MAML3: variants seen among roughly 807,000 people sequenced by gnomAD.
MAML3 encodes the protein mastermind-like protein 3.
MAML3 carries 27 observed loss-of-function variants against 101.9 expected under a neutral mutation model. The observed-to-expected ratio is 0.27, with a 90% CI of 0.20 to 0.37. MAML3 has a LOEUF of 0.37. Among genes scored for constraint, MAML3 ranks in the 10% least tolerant of loss-of-function variants. The pLI, the probability that MAML3 is intolerant of heterozygous loss-of-function variation, is 1.00. For missense variants in MAML3, 1,316 were observed against 1,444.9 expected (o/e 0.91, Z 1.45); for synonymous variants, 501 against 555.9 (o/e 0.90, Z 1.39).
intron 2 of MAML3, among the ~76,000 whole-genome samples, chr4:139,852,414 T>G (rs1258449893): frequency 1.5e-5 from 2 of 134,176 alleles, no homozygotes; most frequent in African/African-American, 6.0e-5. Context: ...TTTTTTTTTT[T>G]TTTTTTTTTT....
At chr4:140,076,548 G>A (rs570228768) in intron 1 of MAML3, among the ~76,000 whole-genome samples, 2 of 152,204 alleles carry the variant, frequency 1.3e-5, no homozygotes, top group Non-Finnish European at 2.9e-5. Context: ...CAGGCCCCTG[G>A]AAGTCCTGCT....
intron 2 of MAML3, among the ~76,000 whole-genome samples, chr4:139,746,200 T>C (rs1729313977): frequency 6.6e-6 from 1 of 152,232 alleles, no homozygotes; most frequent in Non-Finnish European, 1.5e-5. Context: ...AGAAATGGTA[T>C]GTTATATTTT....
In MAML3 at chr4:139,993,368, T is replaced by A. The variant is rs373895749; in HGVS notation, c.469-102401A>T. Among the ~76,000 whole-genome samples the A allele has an allele frequency of 1.5e-3, 152 of 102,818 alleles. 4 individuals are homozygous for A. The highest frequency in any genetic ancestry group is 2.2e-3 in the Non-Finnish European group (95 of 43,722). The allele number at this position is 102,818 out of a possible 152,430, so 67.5% of individuals were successfully genotyped here. A position where few individuals can be genotyped will look rare whatever the true frequency, so the allele number is the denominator to read the frequency against. ...CTCCATCTCAAAAAAAAAAAAAAAATAGACATACATATATACACACATATA... is the reference window on the plus strand; with the variant it reads ...CTCCATCTCAAAAAAAAAAAAAAAAAAGACATACATATATACACACATATA... On this transcript the variant is annotated intron_variant, in intron 1 of 4. Coordinates refer to ENST00000509479, the MANE Select transcript of MAML3 (RefSeq NM_018717.5).
At chr4:139,748,618 A>C (rs891974619) in intron 2 of MAML3, among the ~76,000 whole-genome samples, 12 of 151,814 alleles carry the variant, frequency 7.9e-5, no homozygotes, top group South Asian at 2.1e-4. Flanking sequence ...AGTCCCCCAA[A>C]TCAGGATGAG....
intron 4 of MAML3, among the ~76,000 whole-genome samples, chr4:139,724,899 C>T (rs1728402554): frequency 6.6e-6 from 1 of 151,512 alleles, no homozygotes; most frequent in South Asian, 2.1e-4. Context: ...ACTGAGATTA[C>T]AGGTATGCAT....
In MAML3 at chr4:139,889,463, G is replaced by A. The variant is rs1176626706; in HGVS notation, c.1973C>T (p.Ala658Val). 1 of 1,613,964 alleles carries A rather than the reference G, an allele frequency of 6.2e-7. No homozygotes were observed. Among genetic ancestry groups the A allele is most frequent in the East Asian group, 2.2e-5 (1 of 44,886 alleles). Residue 658 changes from alanine to valine, a missense_variant, in exon 2 of 5, where the codon GCC becomes GTC. Ala to Val is a moderately conservative substitution (Grantham distance 64). Transcript: ENST00000509479. ...GTCTTCGCTCAGGTGTGCCCTGGGG[G>A]CCTGGAGCTGTGGAGGTGGCGGCTG... ...QQQPPPPQLQ[A>V]PRAHLSEDQK...
chr4:139,767,812 G>A (rs1189335888), intron 2 of MAML3, among the ~76,000 whole-genome samples: 1 of 152,230 alleles, frequency 6.6e-6, no homozygotes, highest in East Asian at 1.9e-4. Context: ...GGGTTAGAGA[G>A]AATCTCAAAG....
chr4:139,806,075 A>G (rs1730694737), intron 2 of MAML3, among the ~76,000 whole-genome samples: 1 of 152,212 alleles, frequency 6.6e-6, no homozygotes, highest in South Asian at 2.1e-4. Context: ...CATTTTTAAA[A>G]GTCAGTATTT....
intron 1 of MAML3, among the ~76,000 whole-genome samples, chr4:140,098,768 G>A (rs1364453766): frequency 6.6e-6 from 1 of 152,244 alleles, no homozygotes; most frequent in Non-Finnish European, 1.5e-5. Flanking sequence ...GAGCCCTGGA[G>A]CCACCCACAC....
At chr4:139,866,350 T>C (rs1220548264) in intron 2 of MAML3, among the ~76,000 whole-genome samples, 4 of 152,232 alleles carry the variant, frequency 2.6e-5, no homozygotes, top group African/African-American at 9.6e-5. Context: ...TCTCCAGTGC[T>C]AAATGCACAT....
At position 139,969,593 on chromosome 4, in the gene MAML3, G is replaced by T. The variant is rs966040383; in HGVS notation, c.469-78626C>A. ...CTCCCTGACACCACTTCTGGCAATAGTAACATATTTATGTAAAAGAATTCA... is the reference window on the plus strand; with the variant it reads ...CTCCCTGACACCACTTCTGGCAATATTAACATATTTATGTAAAAGAATTCA... On this transcript the variant is annotated intron_variant, in intron 1 of 4. Transcript: ENST00000509479. Among the ~76,000 whole-genome samples, 91 of 152,242 alleles carry T rather than the reference G, an allele frequency of 6.0e-4. No homozygotes were observed. The Middle Eastern group carries it at 0.017, about 28-fold the overall frequency.
intron 2 of MAML3, among the ~76,000 whole-genome samples, chr4:139,789,587 T>G (rs1483822903): frequency 6.6e-6 from 1 of 152,116 alleles, no homozygotes; most frequent in Non-Finnish European, 1.5e-5. Flanking sequence ...GTGGGGACAC[T>G]GCAGGGTTTT....
chr4:140,097,365 T>C (rs1299832332), intron 1 of MAML3, among the ~76,000 whole-genome samples: 1 of 152,184 alleles, frequency 6.6e-6, no homozygotes, highest in Admixed American at 6.5e-5. Context: ...GCTCCTTCAG[T>C]GTACAGGAGC....
At chr4:139,918,695 C>CT in intron 1 of MAML3, among the ~76,000 whole-genome samples, 1 of 152,160 alleles carries the variant, frequency 6.6e-6, no homozygotes, top group Admixed American at 6.5e-5. Context: ...ATGTGTCTGT[C>CT]TCCAGTGTCT....
At chr4:140,150,943 C>T (rs942813299) in intron 1 of MAML3, among the ~76,000 whole-genome samples, 1 of 150,144 alleles carries the variant, frequency 6.7e-6, no homozygotes, top group African/African-American at 2.4e-5. Flanking sequence ...CCAACCGAGA[C>T]GGCCCCTTCT....
At chr4:139,993,870 G>A (rs958777259) in intron 1 of MAML3, among the ~76,000 whole-genome samples, 3 of 152,016 alleles carry the variant, frequency 2.0e-5, no homozygotes, top group African/African-American at 7.2e-5. Context: ...CCAACTTACC[G>A]ATTTTTCTTG....
chr4:139,972,763 A>T (rs1045178972), intron 1 of MAML3, among the ~76,000 whole-genome samples: 6 of 152,242 alleles, frequency 3.9e-5, no homozygotes, highest in Admixed American at 6.5e-5. Flanking sequence ...TAAATTGTGA[A>T]TTCTGACGAC....
intron 1 of MAML3, among the ~76,000 whole-genome samples, chr4:140,072,846 G>C (rs1161900773): frequency 6.6e-6 from 1 of 152,150 alleles, no homozygotes; most frequent in African/African-American, 2.4e-5. Flanking sequence ...AAATATAAAA[G>C]GGAGGTAGAA....
At chr4:140,018,479 A>C (rs555578753) in intron 1 of MAML3, among the ~76,000 whole-genome samples, 1 of 152,344 alleles carries the variant, frequency 6.6e-6, no homozygotes, top group South Asian at 2.1e-4. Context: ...AGGAAAAAGC[A>C]AAGGACAGGT....
Sources: gnomAD v4.1 joint callset for allele counts (sites outside exome capture counted in the v4.1 genomes callset) on GRCh38, gnomAD v4.1.1 for gene constraint, MANE v1.5 for transcripts, NCBI Gene and HGNC (gene_info 2026-07-23, HGNC 2026-07-21) for gene names.